RERE: variants seen among roughly 807,000 people sequenced by gnomAD.
RERE encodes the protein arginine-glutamic acid dipeptide repeats protein.
RERE carries 40 observed loss-of-function variants against 146.1 expected under a neutral mutation model. The observed-to-expected ratio is 0.27, with a 90% CI of 0.21 to 0.36. The LOEUF (loss-of-function observed/expected upper bound fraction) is 0.36, where lower values mean the gene tolerates loss of function less well. Ranked by LOEUF, RERE falls within the 10% of genes least tolerant of loss-of-function variation. The pLI is 1.00. For missense variants in RERE, 1,933 were observed against 2,138.7 expected, an observed-to-expected ratio of 0.90 and a Z score of 1.90; for synonymous variants, 1,003 against 866.0, an observed-to-expected ratio of 1.16 and a Z score of -2.78.
At chr1:8,372,701 A>G (rs1424936345) in intron 12 of RERE, among the ~76,000 whole-genome samples, 1 of 152,206 alleles carries the variant, frequency 6.6e-6, no homozygotes, top group African/African-American at 2.4e-5. Flanking sequence ...CCTTACGGCT[A>G]TGTTAAGGAA....
intron 1 of RERE, among the ~76,000 whole-genome samples, chr1:8,730,735 C>G (rs1640063298): frequency 6.6e-6 from 1 of 152,226 alleles, no homozygotes; most frequent in Admixed American, 6.5e-5. Flanking sequence ...ACCTCCCAGG[C>G]TCCCAAAGGG....
chr1:8,364,612 G>A lies in RERE; in HGVS notation c.1540+134C>T, dbSNP rs1641726374. The A allele has an allele frequency of 7.2e-6, 5 of 696,502 alleles. No individual in the cohort carries two copies. Among genetic ancestry groups the A allele is most frequent in the South Asian group, 3.3e-5 (2 of 60,722 alleles). 43.1% of individuals were successfully genotyped at this position (696,502 alleles called of 1,614,324 possible). Reference sequence around the variant, plus strand: ...TAAACTAAACATTTCTAACTTTCTCGAATCCCGAAGCACAATGCAAATGTC... The same window carrying A: ...TAAACTAAACATTTCTAACTTTCTCAAATCCCGAAGCACAATGCAAATGTC... On this transcript the variant is annotated intron_variant, in intron 14 of 22. Transcript: ENST00000400908. The surrounding 1 kb of genome is among the most constrained non-coding windows in gnomAD (Gnocchi z 5.1).
rs544683930 is a variant in RERE, at chr1:8,618,129, C to T, written c.397-3443G>A. On this transcript the variant is annotated intron_variant, in intron 3 of 22. Transcript: ENST00000400908. Reference sequence around the variant, plus strand: ...GTGGACATTACAGCCAGCCAATGTGCTAAGCACACAATATATACATCAGTG... The same window carrying T: ...GTGGACATTACAGCCAGCCAATGTGTTAAGCACACAATATATACATCAGTG... Among the ~76,000 whole-genome samples the T allele has an allele frequency of 2.0e-5, 3 of 152,260 alleles. No individual in the cohort carries two copies. In the East Asian group the frequency reaches 5.8e-4, roughly 29 times the overall value.
chr1:8,558,124 T>A (rs548884399), intron 4 of RERE, among the ~76,000 whole-genome samples: 1 of 152,366 alleles, frequency 6.6e-6, no homozygotes, highest in Admixed American at 6.5e-5. Flanking sequence ...AGAGACCTCA[T>A]CTCATTTATT....
At chr1:8,444,171 G>C (rs2124021281) in intron 11 of RERE, among the ~76,000 whole-genome samples, 1 of 152,330 alleles carries the variant, frequency 6.6e-6, no homozygotes, top group East Asian at 1.9e-4. Context: ...AAGTGGAAGT[G>C]CCCAAGACCT....
chr1:8,574,114 G>A (rs574998832), intron 4 of RERE, among the ~76,000 whole-genome samples: 31 of 152,160 alleles, frequency 2.0e-4, no homozygotes, highest in Non-Finnish European at 3.8e-4. Flanking sequence ...CCAATGTGTT[G>A]TATTTCCATT....
chr1:8,796,890 G>A (rs1641485365), intron 1 of RERE, among the ~76,000 whole-genome samples: 1 of 152,064 alleles, frequency 6.6e-6, no homozygotes. Context: ...AAAATCAACA[G>A]AAAACCATCT....
intron 2 of RERE, among the ~76,000 whole-genome samples, chr1:8,637,398 G>T (rs1376555473): frequency 6.6e-6 from 1 of 152,124 alleles, no homozygotes; most frequent in Admixed American, 6.5e-5. Flanking sequence ...CTCCACTTCT[G>T]TACAGGTTTG....
At chr1:8,501,382 G>C (rs1645151253) in intron 8 of RERE, among the ~76,000 whole-genome samples, 1 of 87,144 alleles carries the variant, frequency 1.1e-5, no homozygotes, top group African/African-American at 5.4e-5. Flanking sequence ...GAGGAAGGTG[G>C]GGGGTCAGCC....
intron 11 of RERE, among the ~76,000 whole-genome samples, chr1:8,464,576 TCCCTCTAGGGCAC>T (rs992599247): frequency 4.6e-5 from 7 of 152,074 alleles, no homozygotes; most frequent in Admixed American, 3.9e-4. Flanking sequence ...CCTGATCTGC[TCCCTCTAGGGCAC>T]CCCTCCCACC....
At chr1:8,673,276 A>T (rs965661659) in intron 1 of RERE, among the ~76,000 whole-genome samples, 2 of 152,194 alleles carry the variant, frequency 1.3e-5, no homozygotes, top group African/African-American at 4.8e-5. Flanking sequence ...TTGTATTTTT[A>T]GTACAGACAG....
intron 12 of RERE, among the ~76,000 whole-genome samples, chr1:8,418,440 T>C (rs57721407): frequency 0.025 from 3,774 of 152,258 alleles, 151 homozygotes; most frequent in African/African-American, 0.085. Flanking sequence ...CTGGGGTAGA[T>C]CACATTGTCT....
At chr1:8,713,127 T>C (rs1029860917) in intron 1 of RERE, among the ~76,000 whole-genome samples, 10 of 152,324 alleles carry the variant, frequency 6.6e-5, no homozygotes, top group South Asian at 4.1e-4. Context: ...ACTAATTTAG[T>C]AACTGGAGGA....
intron 4 of RERE, among the ~76,000 whole-genome samples, chr1:8,577,765 G>A (rs1339936742): frequency 6.6e-6 from 1 of 152,168 alleles, no homozygotes; most frequent in African/African-American, 2.4e-5. Context: ...CTTATTCATT[G>A]TGAGATATAC....
intron 7 of RERE, among the ~76,000 whole-genome samples, chr1:8,530,674 G>GTTTTTT (rs1645632322): frequency 1.7e-5 from 2 of 116,922 alleles, no homozygotes; most frequent in African/African-American, 6.4e-5. Context: ...CTGAGTTTTC[G>GTTTTTT]TTTTCTTTTT....
intron 1 of RERE, 81 bp downstream of exon 1, chr1:8,817,079 A>T (rs1474361489): frequency 1.3e-5 from 2 of 152,116 alleles, no homozygotes; most frequent in Non-Finnish European, 2.9e-5. Flanking sequence ...GACTGCTTTC[A>T]CGGCCGACCC....
intron 11 of RERE, among the ~76,000 whole-genome samples, chr1:8,453,482 G>A (rs896684992): frequency 1.3e-5 from 2 of 152,154 alleles, no homozygotes; most frequent in Non-Finnish European, 1.5e-5. Flanking sequence ...TTTGGTCGAG[G>A]TCAACCAGTT....
rs1211390742 is a variant in RERE, at chr1:8,770,181, A to G, written c.-145+46979T>C. Among the ~76,000 whole-genome samples, 3 of 152,230 alleles carry G rather than the reference A, an allele frequency of 2.0e-5. No homozygotes were observed. In the East Asian group the frequency reaches 5.8e-4, roughly 29 times the overall value. On this transcript the variant is annotated intron_variant, in intron 1 of 22. Coordinates refer to ENST00000400908, the MANE Select transcript of RERE (RefSeq NM_001042681.2). ...TCACCAAAAGTTCTGTAACACAAAGAGTCAATACCACTGAACACAGTGTTT... is the reference window on the plus strand; with the variant it reads ...TCACCAAAAGTTCTGTAACACAAAGGGTCAATACCACTGAACACAGTGTTT...
intron 3 of RERE, among the ~76,000 whole-genome samples, chr1:8,622,390 G>A (rs1249301996): frequency 6.6e-6 from 1 of 150,602 alleles, no homozygotes; most frequent in Non-Finnish European, 1.5e-5. Context: ...AAAAGACAAT[G>A]GGCAGGAAAA....
Sources: allele counts gnomAD v4.1 joint callset (sites outside exome capture counted in the v4.1 genomes callset), GRCh38; gene constraint gnomAD v4.1.1; non-coding constraint Gnocchi (gnomAD v3.1); transcripts MANE v1.5; gene names NCBI Gene and HGNC (gene_info 2026-07-23, HGNC 2026-07-21).